Variants in CSMD1 observed in about 807,000 individuals in gnomAD.
CSMD1 encodes CUB and sushi domain-containing protein 1.
A neutral mutation model predicts 417.5 loss-of-function variants in CSMD1; 213 were observed. The ratio of observed to expected loss-of-function variants is 0.51; its 90% CI spans 0.46 to 0.57. The LOEUF is 0.57. Among genes scored for constraint, CSMD1 ranks in the 20% least tolerant of loss-of-function variants. The pLI is 0.00. For missense variants in CSMD1, 6,923 were observed against 4,529.7 expected (o/e 1.53, Z -15.17); for synonymous variants, 2,862 against 1,736.8 (o/e 1.65, Z -16.11).
intron 3 of CSMD1, among the ~76,000 whole-genome samples, chr8:4,193,046 C>G (rs1799121058): frequency 6.6e-6 from 1 of 152,134 alleles, no homozygotes; most frequent in Non-Finnish European, 1.5e-5. Flanking sequence ...AAGTTAATGT[C>G]ATTATGTATT....
At chr8:3,265,477 T>C (rs911270710) in intron 26 of CSMD1, among the ~76,000 whole-genome samples, 4 of 152,172 alleles carry the variant, frequency 2.6e-5, no homozygotes, top group African/African-American at 4.8e-5. Flanking sequence ...GAGTGGTGTT[T>C]AACCGCAACC....
chr8:4,542,006 C>T (rs1399412336), intron 2 of CSMD1, among the ~76,000 whole-genome samples: 1 of 152,134 alleles, frequency 6.6e-6, no homozygotes, highest in South Asian at 2.1e-4. Flanking sequence ...GTGAGCCACA[C>T]TCTGTTGCCA....
intron 1 of CSMD1, among the ~76,000 whole-genome samples, chr8:4,647,425 CGGCCTGCT>C (rs1563366530): frequency 7.1e-6 from 1 of 141,808 alleles, no homozygotes; most frequent in African/African-American, 2.8e-5. Flanking sequence ...TGTGCCACGG[CGGCCTGCT>C]ACGTAGGTAT....
At chr8:3,765,969 A>T (rs1393879776) in intron 5 of CSMD1, among the ~76,000 whole-genome samples, 1 of 152,234 alleles carries the variant, frequency 6.6e-6, no homozygotes, top group Non-Finnish European at 1.5e-5. Context: ...AGGCATCAGG[A>T]ATTAACCCAG....
At chr8:3,464,993 A>T (rs1183292370) in intron 12 of CSMD1, among the ~76,000 whole-genome samples, 1 of 152,136 alleles carries the variant, frequency 6.6e-6, no homozygotes, top group Non-Finnish European at 1.5e-5. Context: ...TGTGTATAAT[A>T]GCTATAGATA....
At chr8:3,726,793 T>C (rs1219432602) in intron 6 of CSMD1, among the ~76,000 whole-genome samples, 1 of 152,174 alleles carries the variant, frequency 6.6e-6, no homozygotes, top group African/African-American at 2.4e-5. Context: ...CTGATGGAAA[T>C]GAGTTGTGCA....
chr8:3,970,749 T>C (rs1813024037), intron 5 of CSMD1, among the ~76,000 whole-genome samples: 1 of 152,012 alleles, frequency 6.6e-6, no homozygotes, highest in Admixed American at 6.6e-5. Flanking sequence ...CATCTTGTTT[T>C]TTGTTTTTTT....
At chr8:3,822,454 C>G (rs1276636574) in intron 5 of CSMD1, among the ~76,000 whole-genome samples, 2 of 152,126 alleles carry the variant, frequency 1.3e-5, no homozygotes, top group Non-Finnish European at 2.9e-5. Context: ...CCACAAAGAA[C>G]AATAGGTATT....
intron 1 of CSMD1, among the ~76,000 whole-genome samples, chr8:4,812,215 T>C (rs1798947914): frequency 6.6e-6 from 1 of 152,140 alleles, no homozygotes; most frequent in South Asian, 2.1e-4. Context: ...TGCCTACGTC[T>C]CTAAGTGAGA....
At chr8:4,132,429 A>G (rs1803167484) in intron 3 of CSMD1, among the ~76,000 whole-genome samples, 3 of 152,096 alleles carry the variant, frequency 2.0e-5, no homozygotes, top group Admixed American at 2.0e-4. Flanking sequence ...CATAGAAACT[A>G]TTTTTATTTA....
chr8:4,286,786 T>G (rs1267173173), intron 3 of CSMD1, among the ~76,000 whole-genome samples: 2 of 152,214 alleles, frequency 1.3e-5, no homozygotes, highest in African/African-American at 4.8e-5. Flanking sequence ...CCTGTTTGGC[T>G]GAGAATGTTT....
intron 5 of CSMD1, among the ~76,000 whole-genome samples, chr8:3,924,855 A>G (rs1431682475): frequency 1.3e-5 from 2 of 152,114 alleles, no homozygotes; most frequent in East Asian, 3.8e-4. Context: ...GGCGGTTCAA[A>G]AATTCTCATT....
intron 26 of CSMD1, among the ~76,000 whole-genome samples, chr8:3,234,852 C>T (rs1235355987): frequency 6.6e-6 from 1 of 152,188 alleles, no homozygotes; most frequent in African/African-American, 2.4e-5. Context: ...GCATTTTACA[C>T]AAATTCTTGA....
intron 3 of CSMD1, among the ~76,000 whole-genome samples, chr8:4,053,324 A>G (rs1184054154): frequency 1.3e-5 from 2 of 152,210 alleles, no homozygotes; most frequent in Non-Finnish European, 2.9e-5. Flanking sequence ...AATAATAAAA[A>G]TCAGACTGAC....
At chr8:4,674,417 G>A (rs1805545147) in intron 1 of CSMD1, among the ~76,000 whole-genome samples, 1 of 152,170 alleles carries the variant, frequency 6.6e-6, no homozygotes. Flanking sequence ...AGTGGAAACA[G>A]GTAGGGTGAT....
intron 5 of CSMD1, among the ~76,000 whole-genome samples, chr8:3,817,999 T>C (rs1801488984): frequency 1.3e-5 from 2 of 152,164 alleles, no homozygotes; most frequent in South Asian, 4.1e-4. Flanking sequence ...AAAAAGCCCA[T>C]TTTTACTTTA....
rs554249014 is a variant in CSMD1, at chr8:3,196,132, C to T, written c.5194+3582G>A. Among the ~76,000 whole-genome samples, 20 of 152,248 alleles carry T rather than the reference C, an allele frequency of 1.3e-4. 1 individual carries two copies. The East Asian group carries it at 3.3e-3, about 25-fold the overall frequency. On this transcript the variant is annotated intron_variant, in intron 33 of 69. Transcript: ENST00000635120. Reference sequence around the variant, plus strand: ...GCGACTAAAGTGACCTGTGGTCATTCCCACTGCTCATTATATACTAATTAT... The same window carrying T: ...GCGACTAAAGTGACCTGTGGTCATTTCCACTGCTCATTATATACTAATTAT...
At chr8:3,318,148 G>T (rs17320410) in intron 23 of CSMD1, among the ~76,000 whole-genome samples, 3 of 152,084 alleles carry the variant, frequency 2.0e-5, no homozygotes, top group Admixed American at 6.5e-5. Flanking sequence ...TGATGATGAA[G>T]CTAGTAAATT....
intron 12 of CSMD1, among the ~76,000 whole-genome samples, chr8:3,446,408 T>C (rs891252873): frequency 6.6e-6 from 1 of 152,238 alleles, no homozygotes; most frequent in African/African-American, 2.4e-5. Context: ...GTCCTCTCTG[T>C]TTTAATACAA....
Sources: allele counts gnomAD v4.1 joint callset (sites outside exome capture counted in the v4.1 genomes callset), GRCh38; gene constraint gnomAD v4.1.1; transcripts MANE v1.5; gene names NCBI Gene and HGNC (gene_info 2026-07-23, HGNC 2026-07-21).